The following PDGFD variants were observed in gnomAD, a reference collection of about 807,000 sequenced individuals.
PDGFD encodes the protein platelet derived growth factor D.
Under a neutral mutation model 44.7 loss-of-function variants are expected in PDGFD, and 30 were observed. The ratio of observed to expected loss-of-function variants is 0.67; its 90% CI spans 0.50 to 0.91. PDGFD has a LOEUF of 0.91. PDGFD is among the 40% of genes least tolerant of loss of function. The pLI is 0.00. For synonymous variants in PDGFD, 173 were observed against 168.4 expected (o/e 1.03, Z -0.21); for missense variants, 445 against 457.8 (o/e 0.97, Z 0.25).
chr11:104,045,645 G>C (rs2134402384), intron 1 of PDGFD, among the ~76,000 whole-genome samples: 1 of 151,214 alleles, frequency 6.6e-6, no homozygotes, highest in Non-Finnish European at 1.5e-5. Flanking sequence ...CTGAATTTAA[G>C]TCTGAAAGCA....
intron 1 of PDGFD, among the ~76,000 whole-genome samples, chr11:104,042,522 T>C (rs1025130363): frequency 3.3e-5 from 5 of 152,218 alleles, no homozygotes; most frequent in African/African-American, 1.2e-4. Flanking sequence ...TGAGAAAGAC[T>C]TTTATAAATC....
chr11:104,001,424 T>A (rs61904888), intron 1 of PDGFD, among the ~76,000 whole-genome samples: 7,352 of 152,332 alleles, frequency 0.048, 242 homozygotes, highest in Middle Eastern at 0.11. Flanking sequence ...CTTTTCTGAT[T>A]TCTGTGAGTT....
intron 3 of PDGFD, among the ~76,000 whole-genome samples, chr11:103,986,968 G>C (rs12798294): frequency 0.27 from 41,205 of 151,876 alleles, 6,396 homozygotes; most frequent in East Asian, 0.46. Flanking sequence ...ATCTGGCCTC[G>C]TGGTCCGCAA....
chr11:103,907,513 GA>G lies in PDGFD; in HGVS notation c.*2180del, dbSNP rs1857953763. The G allele has an allele frequency of 6.6e-6, 1 of 152,190 alleles. No homozygotes were observed. Among genetic ancestry groups the G allele is most frequent in the African/African-American group, 2.4e-5 (1 of 41,444 alleles). The allele number at this position is 152,190 out of a possible 1,614,324, so 9.4% of individuals were successfully genotyped here. On this transcript the variant is annotated 3_prime_UTR_variant, in exon 7 of 7. Transcript: ENST00000393158. ...CAAAAGATAACAGGTAACCAAGGGA[GA>G]AGTTTTAATAAAACTCTCAGGAAAG...
chr11:104,152,195 T>A (rs1432182070), intron 1 of PDGFD, among the ~76,000 whole-genome samples: 1 of 152,204 alleles, frequency 6.6e-6, no homozygotes, highest in Non-Finnish European at 1.5e-5. Context: ...AAGGCCACAG[T>A]GGTTCTTCCT....
At chr11:104,007,431 T>A (rs1859720289) in intron 1 of PDGFD, among the ~76,000 whole-genome samples, 1 of 152,210 alleles carries the variant, frequency 6.6e-6, no homozygotes, top group East Asian at 1.9e-4. Context: ...ATGGTAATGT[T>A]TTTCTTCTCA....
chr11:104,143,127 T>C (rs1420301817), intron 1 of PDGFD, among the ~76,000 whole-genome samples: 1 of 152,082 alleles, frequency 6.6e-6, no homozygotes, highest in Non-Finnish European at 1.5e-5. Context: ...TATGAAAAAA[T>C]TTTCTTTATT....
chr11:104,079,121 T>C (rs1221261499), intron 1 of PDGFD, among the ~76,000 whole-genome samples: 4 of 152,166 alleles, frequency 2.6e-5, no homozygotes, highest in African/African-American at 7.2e-5. Context: ...GAGAAAAACA[T>C]ATTTGGTGAA....
At chr11:104,161,950 A>AGAGAGAGTGTGTGTGT (rs142168784) in intron 1 of PDGFD, among the ~76,000 whole-genome samples, 1 of 148,908 alleles carries the variant, frequency 6.7e-6, no homozygotes, top group Admixed American at 6.7e-5. Flanking sequence ...AATCAAAGAG[A>AGAGAGAGTGTGTGTGT]GTGTGTGTGT....
chr11:104,131,470 A>C (rs372075647), intron 1 of PDGFD, among the ~76,000 whole-genome samples: 33 of 152,156 alleles, frequency 2.2e-4, no homozygotes, highest in African/African-American at 7.0e-4. Flanking sequence ...CTAACTTTTT[A>C]TTTGTTTACT....
At chr11:104,034,652 T>A (rs904416697) in intron 1 of PDGFD, among the ~76,000 whole-genome samples, 1 of 151,948 alleles carries the variant, frequency 6.6e-6, no homozygotes, top group African/African-American at 2.4e-5. Flanking sequence ...ACACTTTTTT[T>A]TTTTTTTTGA....
chr11:104,073,163 A>T (rs1023193627), intron 1 of PDGFD, among the ~76,000 whole-genome samples: 1 of 152,110 alleles, frequency 6.6e-6, no homozygotes, highest in Non-Finnish European at 1.5e-5. Flanking sequence ...GCATAAAAAA[A>T]GATTCAACTA....
chr11:104,037,659 G>A (rs1860273799), intron 1 of PDGFD: 3 of 1,614,080 alleles, frequency 1.9e-6, no homozygotes, highest in Admixed American at 1.7e-5. Flanking sequence ...GTAACATCAT[G>A]AGGCTGGTGG....
chr11:103,976,739 A>G (rs528061440), intron 3 of PDGFD, among the ~76,000 whole-genome samples: 2 of 152,174 alleles, frequency 1.3e-5, no homozygotes, highest in Admixed American at 1.3e-4. Context: ...AAGATAGTTT[A>G]TTGAGAGTTT....
At chr11:104,074,203 AG>A (rs2134423317) in intron 1 of PDGFD, among the ~76,000 whole-genome samples, 1 of 152,342 alleles carries the variant, frequency 6.6e-6, no homozygotes, top group South Asian at 2.1e-4. Flanking sequence ...CAGTGGCCAC[AG>A]ACACTTGCCT....
rs191156432 is a variant in PDGFD at position 104,038,849 on chromosome 11, A to G, written c.125-38594T>C. On this transcript the variant is annotated intron_variant, in intron 1 of 6. Coordinates refer to ENST00000393158, the MANE Select transcript of PDGFD (RefSeq NM_025208.5). ...CAGTGGTCCAGGTTCTCTAATAGTC[A>G]TTGCAACTAGATCATCTCTCTCTCT... The G allele has an allele frequency of 1.5e-4, 25 of 167,174 alleles. No individual in the cohort carries two copies. The East Asian group carries it at 4.8e-3, about 32-fold the overall frequency. 10.4% of individuals were successfully genotyped at this position (167,174 alleles called of 1,614,324 possible). A position where few individuals can be genotyped will look rare whatever the true frequency, so the allele number is the denominator to read the frequency against.
chr11:104,083,934 T>C (rs1402641663), intron 1 of PDGFD, among the ~76,000 whole-genome samples: 3 of 152,160 alleles, frequency 2.0e-5, no homozygotes, highest in Non-Finnish European at 4.4e-5. Flanking sequence ...CTGAAGGTGC[T>C]AAAAAGTTTA....
intron 1 of PDGFD, among the ~76,000 whole-genome samples, chr11:104,136,316 G>C (rs74405107): frequency 0.13 from 19,830 of 152,086 alleles, 1,434 homozygotes; most frequent in East Asian, 0.29. Flanking sequence ...ACATTCACAG[G>C]CTTCCAGTTA....
intron 6 of PDGFD, among the ~76,000 whole-genome samples, chr11:103,923,930 C>T (rs1007382841): frequency 1.3e-5 from 2 of 152,090 alleles, no homozygotes; most frequent in Non-Finnish European, 2.9e-5. Flanking sequence ...CAAAGGATGC[C>T]AATGTTTCAA....
Sources: gnomAD v4.1 joint callset for allele counts (sites outside exome capture counted in the v4.1 genomes callset) on GRCh38, gnomAD v4.1.1 for gene constraint, MANE v1.5 for transcripts, NCBI Gene and HGNC (gene_info 2026-07-23, HGNC 2026-07-21) for gene names.